CECR2: variants seen among roughly 807,000 people sequenced by gnomAD.
CECR2 encodes chromatin remodeling regulator CECR2.
CECR2 carries 30 observed loss-of-function variants against 154.5 expected under a neutral mutation model. The ratio of observed to expected loss-of-function variants is 0.19; its 90% confidence interval spans 0.15 to 0.26. The LOEUF is 0.26. Ranked by LOEUF, CECR2 falls within the 10% of genes least tolerant of loss-of-function variation. CECR2 has a pLI of 1.00. For synonymous variants in CECR2, 725 were observed against 683.7 expected (o/e 1.06, Z -0.94); for missense variants, 1,743 against 1,829.3 (o/e 0.95, Z 0.86).
At chr22:17,366,257 C>G (rs2063001313), upstream of CECR2, among the ~76,000 whole-genome samples, 2 of 152,132 alleles carry the variant, frequency 1.3e-5, no homozygotes, top group Admixed American at 1.3e-4. Context: ...GGCACGATCT[C>G]CGCTCACTGC....
At chr22:17,506,651 G>T (rs578029735) in intron 7 of CECR2, among the ~76,000 whole-genome samples, 1 of 151,440 alleles carries the variant, frequency 6.6e-6, no homozygotes, top group East Asian at 1.9e-4. Context: ...ATGTTTTTTT[G>T]TTTGTTTGTT....
intron 7 of CECR2, among the ~76,000 whole-genome samples, chr22:17,510,977 G>T (rs2055939226): frequency 6.6e-6 from 1 of 152,142 alleles, no homozygotes; most frequent in African/African-American, 2.4e-5. Flanking sequence ...TGTTTAAGTT[G>T]TATAAACCAC....
chr22:17,475,471 C>A (rs1022852438), intron 1 of CECR2, among the ~76,000 whole-genome samples: 4 of 152,008 alleles, frequency 2.6e-5, no homozygotes, highest in African/African-American at 9.7e-5. Context: ...TTTTTTCTCC[C>A]TTAAAAGAGA....
intron 1 of CECR2, among the ~76,000 whole-genome samples, chr22:17,393,210 A>G (rs9604740): frequency 0.55 from 84,003 of 151,926 alleles, 23,549 homozygotes; most frequent in African/African-American, 0.64. Flanking sequence ...GCCTAAGCAA[A>G]TTACTCTCTG....
chr22:17,538,620 A>G lies in CECR2; in HGVS notation c.1277-20A>G. On this transcript the variant is annotated intron_variant, in intron 11 of 18. Coordinates refer to ENST00000262608, the MANE Select transcript of CECR2 (RefSeq NM_001290047.2). ...AGTTTTCCTCTGTGAGTGTGTTAAG[A>G]TCTCTTCTCTGGCTTTCAGTTCTAG... The G allele has an allele frequency of 3.1e-6, 5 of 1,613,816 alleles. No homozygotes were observed. Among genetic ancestry groups the G allele is most frequent in the Non-Finnish European group, 4.2e-6 (5 of 1,179,748 alleles).
intron 1 of CECR2, among the ~76,000 whole-genome samples, chr22:17,413,415 G>A (rs2054095793): frequency 6.6e-6 from 1 of 152,060 alleles, no homozygotes; most frequent in Admixed American, 6.6e-5. Flanking sequence ...GCTGTGTCTT[G>A]GCCGTGATTA....
chr22:17,395,521 T>A (rs1312028487), intron 1 of CECR2, among the ~76,000 whole-genome samples: 1 of 152,098 alleles, frequency 6.6e-6, no homozygotes, highest in African/African-American at 2.4e-5. Context: ...ATTTTTGTAT[T>A]TTTAGTAGAG....
chr22:17,506,541 CTTTATGCTTAT>C (rs746465856), intron 7 of CECR2, among the ~76,000 whole-genome samples: 5 of 152,226 alleles, frequency 3.3e-5, no homozygotes, highest in African/African-American at 1.2e-4. Context: ...TAACATGTTT[CTTTATGCTTAT>C]TTTATATCTT....
At chr22:17,479,295 G>A (rs999393261) in intron 2 of CECR2, among the ~76,000 whole-genome samples, 1 of 152,178 alleles carries the variant, frequency 6.6e-6, no homozygotes, top group Non-Finnish European at 1.5e-5. Flanking sequence ...GAGAGTGTCT[G>A]CTTGGATGAT....
chr22:17,416,948 C>G (rs1011678827), intron 1 of CECR2, among the ~76,000 whole-genome samples: 1 of 151,928 alleles, frequency 6.6e-6, no homozygotes, highest in Admixed American at 6.6e-5. Flanking sequence ...TATAGTAACT[C>G]CTTAAAAGTG....
At position 17,548,412 on chromosome 22, in the gene CECR2, A is replaced by G. The variant is rs1569158351; in HGVS notation, c.3125A>G (p.Asp1042Gly). The G allele has an allele frequency of 6.2e-7, 1 of 1,613,782 alleles. No homozygotes were observed. The highest frequency in any genetic ancestry group is 2.2e-5 in the East Asian group (1 of 44,864). Reference protein sequence around the residue: ...PGPAAQGCVRDLSTVADRGAL... With the variant: ...PGPAAQGCVRGLSTVADRGAL... ...CCAGCCGCCCAAGGGTGCGTGAGAG[A>G]CCTCTCCACGGTGGCAGACAGGGGC... The change falls in exon 17 of 19, where the codon GAC (aspartate) becomes GGC (glycine). Residue 1042 changes from aspartate (D) to glycine (G), a missense_variant. Coordinates refer to ENST00000262608, the MANE Select transcript of CECR2 (RefSeq NM_001290047.2).
intron 6 of CECR2, among the ~76,000 whole-genome samples, chr22:17,504,016 C>T (rs957607314): frequency 6.7e-5 from 10 of 149,358 alleles, no homozygotes; most frequent in Non-Finnish European, 8.9e-5. Context: ...CCCTGAACTC[C>T]GGCCTGGACA....
rs144002254 is a variant in CECR2 at position 17,379,101 on chromosome 22, C to T, written c.126+9192C>T. 9.0e-3 allele frequency among the ~76,000 whole-genome samples: 1,373 copies of T among 152,104 alleles called. 22 individuals are homozygous for T. Among genetic ancestry groups the T allele is most frequent in the African/African-American group, 0.031 (1,297 of 41,504 alleles). ...CCTCTCAAGAAGCTGGTATTACAGG[C>T]GTGTGCCACCACACCCGGCTAATTT... On this transcript the variant is annotated intron_variant, in intron 1 of 18. Transcript: ENST00000262608.
rs183079407 is a variant in CECR2, at chr22:17,523,675, G to A, written c.955-443G>A. 2.1e-5 allele frequency among the ~76,000 whole-genome samples: 3 copies of A among 146,314 alleles called. No homozygotes were observed. In the Admixed American group the frequency reaches 2.1e-4, roughly 10 times the overall value. On this transcript the variant is annotated intron_variant, in intron 8 of 18. Transcript: ENST00000262608. The stretch of plus-strand genomic sequence containing the variant: ...GGAGTCGGAGGCAGGAGAATGGCGT[G>A]AACCCGGGAGGCAGAGCTTGCAGTG...
chr22:17,395,752 A>G (rs2053799438), intron 1 of CECR2, among the ~76,000 whole-genome samples: 1 of 152,202 alleles, frequency 6.6e-6, no homozygotes. Flanking sequence ...AATATTGTCT[A>G]ATGCAAGTCC....
At chr22:17,460,394 G>C (rs1189001264) in intron 1 of CECR2, among the ~76,000 whole-genome samples, 1 of 152,152 alleles carries the variant, frequency 6.6e-6, no homozygotes, top group African/African-American at 2.4e-5. Flanking sequence ...ATTTTCAGTA[G>C]AGACAGGATT....
chr22:17,399,603 A>G (rs1486085996), intron 1 of CECR2, among the ~76,000 whole-genome samples: 1 of 151,990 alleles, frequency 6.6e-6, no homozygotes, highest in African/African-American at 2.4e-5. Flanking sequence ...TTTTTAGTAG[A>G]GACGGGGTTT....
chr22:17,436,115 C>A (rs765983794), intron 1 of CECR2, among the ~76,000 whole-genome samples: 1 of 152,002 alleles, frequency 6.6e-6, no homozygotes, highest in Non-Finnish European at 1.5e-5. Context: ...CGTGTCACCA[C>A]GCTCAGTTAA....
At chr22:17,451,474 A>G (rs1474913990) in intron 1 of CECR2, among the ~76,000 whole-genome samples, 8 of 152,166 alleles carry the variant, frequency 5.3e-5, no homozygotes, top group Admixed American at 4.6e-4. Context: ...CGAGATTGCA[A>G]TCTCATTTTA....
Sources: gnomAD v4.1 joint callset for allele counts (sites outside exome capture counted in the v4.1 genomes callset) on GRCh38, gnomAD v4.1.1 for gene constraint, MANE v1.5 for transcripts, NCBI Gene and HGNC (gene_info 2026-07-23, HGNC 2026-07-21) for gene names.